The following CREBBP variants were observed in gnomAD, a reference collection of about 807,000 sequenced individuals.
The protein encoded by CREBBP is CREB binding lysine acetyltransferase.
Under a neutral mutation model 265.0 loss-of-function variants are expected in CREBBP, and 19 were observed. The observed-to-expected ratio is 0.07, with a 90% CI of 0.05 to 0.11. The LOEUF is 0.11. CREBBP is among the 10% of genes least tolerant of loss of function. CREBBP has a pLI of 1.00. For missense variants in CREBBP, 2,525 were observed against 3,219.0 expected (o/e 0.78, Z 5.22); for synonymous variants, 1,457 against 1,223.7 (o/e 1.19, Z -3.98).
chr16:3,814,164 A>AGTGTGTGTGTGTGTGTGTGTGT (rs35866243), intron 2 of CREBBP, among the ~76,000 whole-genome samples: 1 of 119,686 alleles, frequency 8.4e-6, no homozygotes, highest in South Asian at 2.7e-4. Flanking sequence ...AATGTTGTTT[A>AGTGTGTGTGTGTGTGTGTGTGT]GTGTGTGTGT....
At position 3,776,648 on chromosome 16, in the gene CREBBP, C is replaced by T. The variant is rs142268909; in HGVS notation, c.2158+965G>A. ...AGCATTCAGAAGCACTCCCTCCCCA[C>T]ATCTAGGGTGCTTCTTTCTCGGACT... On this transcript the variant is annotated intron_variant, in intron 11 of 30. Transcript: ENST00000262367. Among the ~76,000 whole-genome samples the T allele has an allele frequency of 3.9e-3, 591 of 152,268 alleles. 3 individuals are homozygous for T. The highest frequency in any genetic ancestry group is 0.014 in the African/African-American group (574 of 41,558).
At position 3,727,982 on chromosome 16, in the gene CREBBP, C is replaced by G. The variant is rs2151299497; in HGVS notation, c.7065G>C (p.Gln2355His). Residue 2355 changes from glutamine (Q) to histidine (H), a missense_variant, in exon 31 of 31, where the codon CAG becomes CAC. By Grantham distance (24) the Gln-to-His change is conservative. This residue lies in a region of CREBBP where 473 missense variants were observed against 459.3 expected (regional missense o/e 1.03). Coordinates refer to ENST00000262367, the MANE Select transcript of CREBBP (RefSeq NM_004380.3). ...ACGGGCTGGAATGTGGAGGCTGGGA[C>G]TGGGGCCGTGGAGACTGGACAGGGG... Reference protein sequence around the residue: ...SPAPVQSPRPQSQPPHSSPSP... With the variant: ...SPAPVQSPRPHSQPPHSSPSP... 1 of 1,608,776 alleles carries G rather than the reference C, an allele frequency of 6.2e-7. No individual in the cohort carries two copies. Among genetic ancestry groups the G allele is most frequent in the Non-Finnish European group, 8.5e-7 (1 of 1,176,264 alleles).
chr16:3,731,354 G>C lies in CREBBP; in HGVS notation c.5010C>G (p.Leu1670=), dbSNP rs62037853. 4 of 1,613,832 alleles carry C rather than the reference G, an allele frequency of 2.5e-6. No individual in the cohort carries two copies. The Admixed American group carries it at 6.7e-5, about 27-fold the overall frequency. ...AGAACTCCCAGTGCTTGTCTCTGGC[G>C]AGGGTGAGGAAGGCGTCGCGCCCAT... The part of the protein sequence containing the change: ...LMDGRDAFLT[L]ARDKHWEFSS... The change falls in exon 30 of 31, where the codon CTC becomes CTG. Residue 1670 remains leucine (L), a synonymous_variant. Transcript: ENST00000262367. This position sits in a 1 kb window ranked among gnomAD's most constrained non-coding sequence, Gnocchi z 7.7.
chr16:3,761,058 G>A (rs2052706297), intron 16 of CREBBP, among the ~76,000 whole-genome samples: 1 of 152,018 alleles, frequency 6.6e-6, no homozygotes, highest in South Asian at 2.1e-4. Context: ...GGGTTCAAGC[G>A]ATTCTCCTGC....
chr16:3,759,447 G>A (rs2052659608), intron 16 of CREBBP, among the ~76,000 whole-genome samples: 1 of 152,028 alleles, frequency 6.6e-6, no homozygotes, highest in Non-Finnish European at 1.5e-5. Context: ...TTAGCCTGGT[G>A]TGTGTCGGGG....
intron 2 of CREBBP, among the ~76,000 whole-genome samples, chr16:3,828,543 C>CA (rs1162081707): frequency 6.6e-6 from 1 of 152,194 alleles, no homozygotes; most frequent in Non-Finnish European, 1.5e-5. Context: ...TTTCATTTGA[C>CA]AAAAATACTC....
intron 20 of CREBBP, among the ~76,000 whole-genome samples, chr16:3,751,159 C>A (rs1405016902): frequency 1.3e-5 from 2 of 152,158 alleles, no homozygotes; most frequent in African/African-American, 2.4e-5. Context: ...TCAAGAGAGA[C>A]CAGTGGTCTC....
chr16:3,777,927 C>T (rs2053183430), intron 10 of CREBBP, 84 bp downstream of exon 10: 1 of 1,489,930 alleles, frequency 6.7e-7, no homozygotes, highest in East Asian at 2.3e-5. Flanking sequence ...TATTCTAATT[C>T]TCTGTTCTTA....
chr16:3,855,702 G>C (rs1287885939), intron 1 of CREBBP, among the ~76,000 whole-genome samples: 2 of 152,332 alleles, frequency 1.3e-5, no homozygotes, highest in Admixed American at 6.5e-5. Flanking sequence ...ACAGTTCCAT[G>C]AGGGCACAGG....
At chr16:3,746,359 A>C (rs116164417) in intron 21 of CREBBP, among the ~76,000 whole-genome samples, 2,150 of 151,668 alleles carry the variant, frequency 0.014, 41 homozygotes, top group African/African-American at 0.041. Context: ...TGAAAAAAAA[A>C]ACACACACAC....
chr16:3,774,058 C>T (rs1479429030), intron 12 of CREBBP, 128 bp from the exon 13 acceptor site: 2 of 1,029,180 alleles, frequency 1.9e-6, no homozygotes, highest in Non-Finnish European at 1.5e-6. Context: ...ACATCCTGCC[C>T]TTCCTCATGG....
intron 8 of CREBBP, among the ~76,000 whole-genome samples, chr16:3,779,235 A>G (rs2053218897): frequency 6.6e-6 from 1 of 151,622 alleles, no homozygotes; most frequent in Non-Finnish European, 1.5e-5. Flanking sequence ...GTACAGTGGC[A>G]TGATCATAGC....
chr16:3,730,077 T>C (rs1567264012), intron 30 of CREBBP, among the ~76,000 whole-genome samples: 9 of 138,990 alleles, frequency 6.5e-5, no homozygotes, highest in Non-Finnish European at 1.3e-4. Flanking sequence ...ATGGACGGGA[T>C]GGGATCATGG....
At chr16:3,778,861 T>TC (rs1425758855) in intron 8 of CREBBP, 44 bp from the exon 9 acceptor site, 1 of 1,542,516 alleles carries the variant, frequency 6.5e-7, no homozygotes, top group Non-Finnish European at 8.9e-7. Flanking sequence ...TTTTTTCTTC[T>TC]TTTTTTTAAA....
chr16:3,801,584 C>T (rs528161421), intron 3 of CREBBP, among the ~76,000 whole-genome samples: 3 of 152,188 alleles, frequency 2.0e-5, no homozygotes, highest in African/African-American at 7.2e-5. Context: ...GCAAAAGAAT[C>T]GCTTGAACCC....
At chr16:3,855,029 G>T (rs572921281) in intron 1 of CREBBP, among the ~76,000 whole-genome samples, 1 of 152,290 alleles carries the variant, frequency 6.6e-6, no homozygotes, top group Non-Finnish European at 1.5e-5. Context: ...CTCAGGAAAT[G>T]TAACACTGAT....
At chr16:3,796,166 A>C (rs539730925) in intron 3 of CREBBP, among the ~76,000 whole-genome samples, 27 of 152,304 alleles carry the variant, frequency 1.8e-4, no homozygotes, top group African/African-American at 5.8e-4. Context: ...TTAGGCAAAA[A>C]ATTTAGCTCT....
intron 2 of CREBBP, among the ~76,000 whole-genome samples, chr16:3,839,715 G>C (rs1320797351): frequency 7.3e-6 from 1 of 136,656 alleles, no homozygotes; most frequent in Non-Finnish European, 1.6e-5. Context: ...AAGGGAAGGG[G>C]AGGGGAGGGG....
chr16:3,802,332 G>A (rs1449985788), intron 3 of CREBBP, among the ~76,000 whole-genome samples: 5 of 151,394 alleles, frequency 3.3e-5, no homozygotes, highest in Admixed American at 6.6e-5. Flanking sequence ...GGGCTTTACC[G>A]TGTTAGCCAG....
Sources: allele counts gnomAD v4.1 joint callset (sites outside exome capture counted in the v4.1 genomes callset), GRCh38; gene constraint gnomAD v4.1.1; regional missense constraint gnomAD v4.1.1; non-coding constraint Gnocchi (gnomAD v3.1); transcripts MANE v1.5; gene names NCBI Gene and HGNC (gene_info 2026-07-23, HGNC 2026-07-21).